Variants in DAB1 observed in about 807,000 individuals in gnomAD.
DAB1 encodes DAB adaptor protein 1, also known as disabled homolog 1.
In DAB1, 15 loss-of-function variants were observed where a neutral mutation model predicts 64.6. The observed-to-expected ratio is 0.23, with a 90% CI of 0.16 to 0.36. The LOEUF is 0.36. DAB1 is among the 10% of genes least tolerant of loss of function. DAB1 has a pLI of 1.00. For synonymous variants in DAB1, 235 were observed against 251.9 expected, an observed-to-expected ratio of 0.93 and a Z score of 0.64; for missense variants, 596 against 706.7, an observed-to-expected ratio of 0.84 and a Z score of 1.78.
At chr1:58,372,685 A>G (rs1644276644) in intron 3 of DAB1, among the ~76,000 whole-genome samples, 1 of 152,156 alleles carries the variant, frequency 6.6e-6, no homozygotes, top group Non-Finnish European at 1.5e-5. Flanking sequence ...CCGAGGGAGG[A>G]ACCTGGTGTG....
intron 6 of DAB1, among the ~76,000 whole-genome samples, chr1:57,769,492 T>C (rs1649463716): frequency 1.3e-5 from 2 of 152,226 alleles, no homozygotes; most frequent in South Asian, 4.1e-4. Flanking sequence ...AGCTTAAGAA[T>C]ATTCCAAGGA....
rs567466782 is a variant in DAB1, at chr1:57,071,390, T to C, written c.558+132A>G. On this transcript the variant is annotated intron_variant, in intron 6 of 14. Coordinates refer to ENST00000371236, the MANE Select transcript of DAB1 (RefSeq NM_001365792.1). ...TTCTAATGGCTTGCTTTGGGTCCTG[T>C]AATTTACACAGGAATCTTTCATCTT... 5.2e-5 allele frequency: 58 copies of C among 1,117,858 alleles called. No homozygotes were observed. The East Asian group carries it at 1.2e-3, about 22-fold the overall frequency. The allele number at this position is 1,117,858 out of a possible 1,614,324, so 69.2% of individuals were successfully genotyped here. A position where few individuals can be genotyped will look rare whatever the true frequency, so the allele number is the denominator to read the frequency against.
intron 3 of DAB1, among the ~76,000 whole-genome samples, chr1:58,402,778 C>G (rs913156542): frequency 1.3e-5 from 2 of 152,190 alleles, no homozygotes; most frequent in African/African-American, 4.8e-5. Context: ...AATGAACAGA[C>G]AGATAGACTT....
chr1:57,622,783 A>G (rs1645876274), intron 7 of DAB1, among the ~76,000 whole-genome samples: 1 of 152,194 alleles, frequency 6.6e-6, no homozygotes, highest in South Asian at 2.1e-4. Context: ...TATGAAGTGT[A>G]TGAGAAAATG....
At chr1:57,442,283 T>C (rs961117980) in intron 7 of DAB1, among the ~76,000 whole-genome samples, 3 of 152,242 alleles carry the variant, frequency 2.0e-5, no homozygotes, top group Non-Finnish European at 2.9e-5. Flanking sequence ...AATAAATCAG[T>C]AGCTGTCAGC....
rs917587647 is a variant in DAB1, at chr1:57,013,417, G to A, written c.1444+1466C>T. The stretch of plus-strand genomic sequence containing the variant: ...AAAGATGCTTGCTTATTTATGCATG[G>A]CTGTCATTTCTTTAACATTTCATTT... On this transcript the variant is annotated intron_variant, in intron 12 of 14. Transcript: ENST00000371236. Among the ~76,000 whole-genome samples, 4 of 152,156 alleles carry A rather than the reference G, an allele frequency of 2.6e-5. No homozygotes were observed. In the East Asian group the frequency reaches 7.7e-4, roughly 29 times the overall value.
chr1:57,334,190 G>A (rs1676902412), intron 1 of DAB1, among the ~76,000 whole-genome samples: 1 of 152,170 alleles, frequency 6.6e-6, no homozygotes, highest in African/African-American at 2.4e-5. Flanking sequence ...GGCAGGAAAA[G>A]GCCTGTAATG....
At chr1:58,039,814 A>G (rs1335535383) in intron 5 of DAB1, among the ~76,000 whole-genome samples, 1 of 152,180 alleles carries the variant, frequency 6.6e-6, no homozygotes, top group East Asian at 1.9e-4. Context: ...AAAAGTACCC[A>G]TCTTAATAAT....
At chr1:58,083,053 TA>T (rs1424540373) in intron 5 of DAB1, among the ~76,000 whole-genome samples, 1 of 152,216 alleles carries the variant, frequency 6.6e-6, no homozygotes, top group Non-Finnish European at 1.5e-5. Context: ...TAAAACAGCA[TA>T]AAACCCTGCC....
intron 1 of DAB1, among the ~76,000 whole-genome samples, chr1:57,321,746 G>T (rs1675735242): frequency 6.6e-6 from 1 of 152,170 alleles, no homozygotes; most frequent in African/African-American, 2.4e-5. Context: ...AAGGATGAAA[G>T]ATGATAATGA....
intron 9 of DAB1, among the ~76,000 whole-genome samples, chr1:57,027,791 T>C (rs1190697546): frequency 2.0e-5 from 3 of 152,212 alleles, no homozygotes; most frequent in Non-Finnish European, 4.4e-5. Flanking sequence ...CTTCCTTCCC[T>C]TTCAGCTTTC....
At chr1:57,749,129 G>C (rs1001124211) in intron 6 of DAB1, among the ~76,000 whole-genome samples, 7 of 152,186 alleles carry the variant, frequency 4.6e-5, no homozygotes, top group Non-Finnish European at 1.0e-4. Flanking sequence ...AAACACCATG[G>C]TCACCCTACG....
At chr1:57,346,432 T>C (rs1456309946) in intron 1 of DAB1, among the ~76,000 whole-genome samples, 1 of 152,212 alleles carries the variant, frequency 6.6e-6, no homozygotes, top group Non-Finnish European at 1.5e-5. Flanking sequence ...AATAGTGATA[T>C]GACAATTCTC....
rs918167439 is a variant in DAB1, at chr1:57,482,477, T to TAAAAAAAAAAAAAAA, written n.625+167100_625+167114dup. 2.0e-4 allele frequency among the ~76,000 whole-genome samples: 12 copies of TAAAAAAAAAAAAAAA among 61,198 alleles called. 1 individual carries two copies. The highest frequency in any genetic ancestry group is 4.7e-4 in the East Asian group (1 of 2,132). The allele number at this position is 61,198 out of a possible 152,430, so 40.1% of individuals were successfully genotyped here. A position where few individuals can be genotyped will look rare whatever the true frequency, so the allele number is the denominator to read the frequency against. On this transcript the variant is annotated intron_variant and non_coding_transcript_variant, in intron 7 of 20. Transcript: ENST00000485760. ...ACCCCAGTTTTACAGCTGAAAGTTGTAAAAAAAAAAAAAAAAAAAAAAAAA... is the reference window on the plus strand; with the variant it reads ...ACCCCAGTTTTACAGCTGAAAGTTGTAAAAAAAAAAAAAAAAAAAAAAAAAAAAAAAAAAAAAAAA...
At chr1:58,174,645 G>A (rs1656363489) in intron 4 of DAB1, among the ~76,000 whole-genome samples, 2 of 152,208 alleles carry the variant, frequency 1.3e-5, no homozygotes, top group African/African-American at 4.8e-5. Flanking sequence ...GTGGGGACTT[G>A]GAGAACTTTT....
At chr1:58,514,056 G>T (rs1181070463) in intron 2 of DAB1, among the ~76,000 whole-genome samples, 1 of 152,104 alleles carries the variant, frequency 6.6e-6, no homozygotes, top group African/African-American at 2.4e-5. Flanking sequence ...GCCATTCCAG[G>T]ACTCAGAACA....
intron 1 of DAB1, among the ~76,000 whole-genome samples, chr1:57,837,039 C>T (rs1315657966): frequency 6.6e-6 from 1 of 152,144 alleles, no homozygotes; most frequent in Admixed American, 6.5e-5. Context: ...AAACCCAAAC[C>T]CACCTCGTGA....
chr1:57,019,109 C>G (rs1646529518), intron 11 of DAB1, among the ~76,000 whole-genome samples: 1 of 152,222 alleles, frequency 6.6e-6, no homozygotes, highest in African/African-American at 2.4e-5. Flanking sequence ...TTGCAATTGC[C>G]TGGTTGTTCT....
At chr1:57,503,040 G>A (rs1048115363) in intron 7 of DAB1, among the ~76,000 whole-genome samples, 4 of 152,136 alleles carry the variant, frequency 2.6e-5, no homozygotes, top group African/African-American at 4.8e-5. Context: ...AGAGACCCAG[G>A]CCAGATATCC....
Sources: allele counts gnomAD v4.1 joint callset (sites outside exome capture counted in the v4.1 genomes callset), GRCh38; gene constraint gnomAD v4.1.1; transcripts MANE v1.5; gene names NCBI Gene and HGNC (gene_info 2026-07-23, HGNC 2026-07-21).